Variants in KCNH1 observed in about 807,000 individuals in gnomAD.
KCNH1 encodes the protein potassium voltage-gated channel subfamily H member 1.
Under a neutral mutation model 69.2 loss-of-function variants are expected in KCNH1, and 27 were observed. The observed-to-expected ratio is 0.39, with a 90% CI of 0.29 to 0.54. The LOEUF (loss-of-function observed/expected upper bound fraction) is 0.54. KCNH1 is among the 20% of genes least tolerant of loss of function. The pLI is 0.68. For missense variants in KCNH1, 798 were observed against 1,261.6 expected (o/e 0.63, Z 5.57); for synonymous variants, 456 against 487.7 (o/e 0.93, Z 0.86).
At chr1:210,859,824 C>A in intron 7 of KCNH1, 1 of 1,069,664 alleles carries the variant, frequency 9.3e-7, no homozygotes, top group Non-Finnish European at 1.5e-6. Flanking sequence ...CATCATTAAG[C>A]CACTAATAAA....
At chr1:210,711,010 G>A (rs569875184) in intron 10 of KCNH1, among the ~76,000 whole-genome samples, 3 of 152,250 alleles carry the variant, frequency 2.0e-5, no homozygotes, top group East Asian at 1.9e-4. Context: ...TCACCTGGCC[G>A]CTTCTGGATT....
At chr1:210,824,130 C>T (rs1283100823) in intron 7 of KCNH1, among the ~76,000 whole-genome samples, 1 of 141,582 alleles carries the variant, frequency 7.1e-6, no homozygotes, top group East Asian at 2.1e-4. Flanking sequence ...ACCTTTGTTC[C>T]CAGGATGTCC....
chr1:210,868,483 A>G (rs1396983576), intron 7 of KCNH1, among the ~76,000 whole-genome samples: 1 of 151,960 alleles, frequency 6.6e-6, no homozygotes, highest in Non-Finnish European at 1.5e-5. Flanking sequence ...GCATATGCCA[A>G]TGTTGAAAAA....
At chr1:211,090,078 G>T (rs1323141233) in intron 4 of KCNH1, among the ~76,000 whole-genome samples, 1 of 152,210 alleles carries the variant, frequency 6.6e-6, no homozygotes, top group East Asian at 1.9e-4. Flanking sequence ...TTAATGTTAT[G>T]TTCCAAATGA....
At chr1:211,082,242 G>A (rs952265355) in intron 5 of KCNH1, among the ~76,000 whole-genome samples, 1 of 152,154 alleles carries the variant, frequency 6.6e-6, no homozygotes, top group Non-Finnish European at 1.5e-5. Flanking sequence ...CACATTTAAT[G>A]TATACACTAT....
intron 5 of KCNH1, among the ~76,000 whole-genome samples, chr1:211,020,491 T>TAA (rs34530499): frequency 5.3e-5 from 8 of 149,886 alleles, no homozygotes; most frequent in Non-Finnish European, 8.9e-5. Context: ...GAATCAGTAA[T>TAA]AAAAAAAAAA....
intron 7 of KCNH1, among the ~76,000 whole-genome samples, chr1:210,911,251 C>A (rs563474984): frequency 1.8e-4 from 28 of 152,156 alleles, no homozygotes; most frequent in African/African-American, 6.3e-4. Flanking sequence ...ACTGCCTGAC[C>A]CCTCCTTGAC....
At chr1:210,966,501 T>G (rs1688403563) in intron 6 of KCNH1, among the ~76,000 whole-genome samples, 1 of 152,174 alleles carries the variant, frequency 6.6e-6, no homozygotes, top group African/African-American at 2.4e-5. Flanking sequence ...AAAGGGCTAA[T>G]ATGCAGAATC....
intron 6 of KCNH1, among the ~76,000 whole-genome samples, chr1:210,924,014 A>G (rs890671935): frequency 6.6e-6 from 1 of 152,194 alleles, no homozygotes; most frequent in African/African-American, 2.4e-5. Flanking sequence ...CAGATGGAAA[A>G]TATTATGTAA....
chr1:211,097,080 G>A (rs947240197), intron 3 of KCNH1, among the ~76,000 whole-genome samples: 3 of 152,150 alleles, frequency 2.0e-5, no homozygotes, highest in African/African-American at 4.8e-5. Flanking sequence ...AATTACAAGA[G>A]GGTTCCTAGA....
At chr1:211,029,166 CAAA>C (rs34291308) in intron 5 of KCNH1, among the ~76,000 whole-genome samples, 25 of 52,716 alleles carry the variant, frequency 4.7e-4, no homozygotes, top group Non-Finnish European at 7.7e-4. Context: ...CCCATCTCTA[CAAA>C]AAAAAAAAAA....
chr1:210,762,148 G>A (rs186369407), intron 10 of KCNH1, among the ~76,000 whole-genome samples: 2 of 151,898 alleles, frequency 1.3e-5, no homozygotes, highest in African/African-American at 4.8e-5. Flanking sequence ...ACAAAATTAA[G>A]GCAGAAATTA....
chr1:210,797,659 G>C lies in KCNH1; in HGVS notation c.1764C>G (p.Gly588=). 6.2e-7 allele frequency: 1 copy of C among 1,614,212 alleles called. No homozygotes were observed. Among genetic ancestry groups the C allele is most frequent in the Non-Finnish European group, 8.5e-7 (1 of 1,180,034 alleles). Residue 588 remains glycine (G), a synonymous_variant, in exon 9 of 11, where the codon GGC becomes GGG. Transcript: ENST00000271751. The part of the protein sequence containing the change: ...EHPAFRLASD[G]CLRALAMEFQ... ...ACTCCATGGCCAGTGCCCGGAGGCA[G>C]CCATCACTGGCCAGCCGGAAGGCCG...
intron 7 of KCNH1, among the ~76,000 whole-genome samples, chr1:210,806,524 T>A (rs1684553205): frequency 6.6e-6 from 1 of 152,050 alleles, no homozygotes; most frequent in Non-Finnish European, 1.5e-5. Flanking sequence ...GTGGTATCAT[T>A]TACAGCACAA....
chr1:210,770,025 A>G (rs897614101), intron 10 of KCNH1, among the ~76,000 whole-genome samples: 3 of 152,194 alleles, frequency 2.0e-5, no homozygotes, highest in Admixed American at 1.3e-4. Context: ...GCAGCCATAA[A>G]AAAGAATGAG....
chr1:210,802,364 G>A (rs1684446647), intron 8 of KCNH1, among the ~76,000 whole-genome samples: 2 of 152,194 alleles, frequency 1.3e-5, no homozygotes, highest in South Asian at 4.1e-4. Flanking sequence ...GGTTTGCAAT[G>A]TGTCATTATG....
intron 1 of KCNH1, among the ~76,000 whole-genome samples, chr1:211,125,415 T>A (rs745817116): frequency 6.6e-6 from 1 of 152,196 alleles, no homozygotes. Context: ...GCAGTCCCCA[T>A]AATGCTGAGA....
intron 7 of KCNH1, among the ~76,000 whole-genome samples, chr1:210,851,866 T>C (rs1219773991): frequency 6.6e-6 from 1 of 152,178 alleles, no homozygotes; most frequent in Non-Finnish European, 1.5e-5. Context: ...CGCGGTTTGT[T>C]GTTGAGTGAA....
intron 9 of KCNH1, among the ~76,000 whole-genome samples, chr1:210,794,877 C>T (rs769080794): frequency 2.6e-5 from 4 of 152,188 alleles, no homozygotes; most frequent in Non-Finnish European, 5.9e-5. Flanking sequence ...GAATTTCCTC[C>T]TTATCAAGGA....
Sources: gnomAD v4.1 joint callset for allele counts (sites outside exome capture counted in the v4.1 genomes callset) on GRCh38, gnomAD v4.1.1 for gene constraint, MANE v1.5 for transcripts, NCBI Gene and HGNC (gene_info 2026-07-23, HGNC 2026-07-21) for gene names.